MTA3: variants seen among roughly 807,000 people sequenced by gnomAD.
The protein encoded by MTA3 is metastasis associated 1 family member 3, also known as metastasis-associated protein MTA3.
MTA3 carries 34 observed loss-of-function variants against 83.5 expected under a neutral mutation model. That is an observed-to-expected ratio of 0.41 (90% CI 0.31 to 0.54). The LOEUF (loss-of-function observed/expected upper bound fraction) is 0.54, where lower values mean the gene tolerates loss of function less well. Among genes scored for constraint, MTA3 ranks in the 20% least tolerant of loss-of-function variants. The pLI is 0.33. For synonymous variants in MTA3, 303 were observed against 252.7 expected, an observed-to-expected ratio of 1.20 and a Z score of -1.89; for missense variants, 761 against 726.4, an observed-to-expected ratio of 1.05 and a Z score of -0.55.
At chr2:42,607,013 G>T (rs1683525696) in intron 3 of MTA3, among the ~76,000 whole-genome samples, 1 of 151,436 alleles carries the variant, frequency 6.6e-6, no homozygotes, top group African/African-American at 2.4e-5. Context: ...AGCCGAGATG[G>T]CAGCAGTACA....
intron 15 of MTA3, 93 bp downstream of exon 15, chr2:42,719,167 C>A: frequency 1.1e-6 from 1 of 925,590 alleles, no homozygotes; most frequent in Non-Finnish European, 1.7e-6. Flanking sequence ...TAAACTAATT[C>A]AGGCCCTTCA....
At chr2:42,622,376 G>GGCATGAGAGGGAGACC (rs1685664834) in intron 4 of MTA3, among the ~76,000 whole-genome samples, 1 of 149,610 alleles carries the variant, frequency 6.7e-6, no homozygotes, top group African/African-American at 2.5e-5. Flanking sequence ...GCTTCGGCTC[G>GGCATGAGAGGGAGACC]GCATGAGAGG....
intron 2 of MTA3, among the ~76,000 whole-genome samples, chr2:42,522,049 T>A (rs1171587063): frequency 6.6e-6 from 1 of 152,170 alleles, no homozygotes; most frequent in Admixed American, 6.6e-5. Flanking sequence ...CCACTGTGCC[T>A]GGCCACACCT....
Position 42,729,086 on chromosome 2 carries a change from G to GTTTTTTGTTTTTTTTTTTTTTTT in MTA3, c.1759+6057_1759+6058insGTTTTTTTTTTTTTTTTTTTTTT, listed in dbSNP as rs1430675726. On this transcript the variant is annotated intron_variant, in intron 16 of 16. Transcript: ENST00000405094. ...TTCTTTTATTAGTTTCACAGTTTGAGTTTTTTTTTTTTTTTTTTTTTTTTT... is the reference window on the plus strand; with the variant it reads ...TTCTTTTATTAGTTTCACAGTTTGAGTTTTTTGTTTTTTTTTTTTTTTTTTTTTTTTTTTTTTTTTTTTTTTTT... Among the ~76,000 whole-genome samples, 2 of 60,142 alleles carry GTTTTTTGTTTTTTTTTTTTTTTT rather than the reference G, an allele frequency of 3.3e-5. 1 individual carries two copies. 39.5% of individuals were successfully genotyped at this position (60,142 alleles called of 152,430 possible). A position where few individuals can be genotyped will look rare whatever the true frequency, so the allele number is the denominator to read the frequency against.
intron 2 of MTA3, among the ~76,000 whole-genome samples, chr2:42,515,008 C>G (rs1005304264): frequency 8.6e-5 from 13 of 151,700 alleles, no homozygotes; most frequent in East Asian, 5.8e-4. Flanking sequence ...TTATATTTTT[C>G]TTTGGATATG....
At chr2:42,740,362 C>G (rs1299774358) in intron 16 of MTA3, among the ~76,000 whole-genome samples, 1 of 152,166 alleles carries the variant, frequency 6.6e-6, no homozygotes, top group Non-Finnish European at 1.5e-5. Context: ...AATACAAAAA[C>G]TTGCCAGTCA....
chr2:42,627,216 T>G (rs1686191094), intron 4 of MTA3, among the ~76,000 whole-genome samples: 1 of 152,172 alleles, frequency 6.6e-6, no homozygotes, highest in Admixed American at 6.5e-5. Flanking sequence ...TAGCTGGGAC[T>G]GCAGGTGCTG....
intron 2 of MTA3, among the ~76,000 whole-genome samples, chr2:42,536,491 AG>A (rs1282256864): frequency 6.6e-6 from 1 of 151,684 alleles, no homozygotes; most frequent in East Asian, 1.9e-4. Context: ...TAAAGGAAAA[AG>A]AAAAAAAGAA....
At chr2:42,667,134 T>C (rs1690299956) in intron 8 of MTA3, among the ~76,000 whole-genome samples, 1 of 152,080 alleles carries the variant, frequency 6.6e-6, no homozygotes, top group Non-Finnish European at 1.5e-5. Flanking sequence ...GATTTGAACT[T>C]CTGGGATCAA....
intron 4 of MTA3, among the ~76,000 whole-genome samples, chr2:42,632,159 G>A (rs190988576): frequency 8.6e-5 from 12 of 138,934 alleles, no homozygotes; most frequent in Admixed American, 1.6e-4. Context: ...GTATAGTCTC[G>A]GCTCACTGCA....
chr2:42,647,168 C>CAAAAAAAAAAAAACAAA (rs751491238), intron 6 of MTA3, among the ~76,000 whole-genome samples: 2 of 143,704 alleles, frequency 1.4e-5, no homozygotes, highest in African/African-American at 5.2e-5. Flanking sequence ...AAAAAAAAAA[C>CAAAAAAAAAAAAACAAA]AAAAAAGAAA....
chr2:42,593,415 G>A (rs1681284123), intron 3 of MTA3, among the ~76,000 whole-genome samples: 2 of 152,070 alleles, frequency 1.3e-5, no homozygotes, highest in South Asian at 4.2e-4. Context: ...TCTATGTCAA[G>A]TGTTAGTACT....
At chr2:42,546,745 A>G (rs1322525165) in intron 2 of MTA3, among the ~76,000 whole-genome samples, 1 of 152,200 alleles carries the variant, frequency 6.6e-6, no homozygotes, top group Non-Finnish European at 1.5e-5. Flanking sequence ...CGCATGTTGC[A>G]AGACTGCACC....
At chr2:42,633,828 G>C (rs1558525496) in intron 4 of MTA3, among the ~76,000 whole-genome samples, 1 of 151,192 alleles carries the variant, frequency 6.6e-6, no homozygotes, top group Non-Finnish European at 1.5e-5. Context: ...GGCGGAGCTT[G>C]CAGTGAGCCG....
intron 16 of MTA3, among the ~76,000 whole-genome samples, chr2:42,733,858 T>C (rs562744945): frequency 5.3e-5 from 8 of 152,348 alleles, no homozygotes; most frequent in South Asian, 4.1e-4. Flanking sequence ...CCTGTTGTTA[T>C]TGATTTCTAC....
At chr2:42,635,772 GT>G (rs576878834) in intron 4 of MTA3, among the ~76,000 whole-genome samples, 2 of 150,858 alleles carry the variant, frequency 1.3e-5, no homozygotes, top group South Asian at 2.1e-4. Context: ...GAATTTTTCT[GT>G]TTTTTTTTCC....
intron 6 of MTA3, among the ~76,000 whole-genome samples, chr2:42,649,807 C>G (rs1042128961): frequency 1.3e-5 from 2 of 152,144 alleles, no homozygotes; most frequent in East Asian, 3.8e-4. Flanking sequence ...GGAAAAATTA[C>G]ATTCTGCATT....
chr2:42,510,613 C>T (rs955447090), intron 2 of MTA3, among the ~76,000 whole-genome samples: 2 of 152,302 alleles, frequency 1.3e-5, no homozygotes, highest in Admixed American at 1.3e-4. Flanking sequence ...AGAACTGCTT[C>T]TTTCCTGTAG....
At chr2:42,560,756 A>AG (rs1001467477) in intron 2 of MTA3, among the ~76,000 whole-genome samples, 1 of 151,776 alleles carries the variant, frequency 6.6e-6, no homozygotes, top group African/African-American at 2.4e-5. Context: ...AAAAAAAAAA[A>AG]TTAGCGGGGA....
Sources: gnomAD v4.1 joint callset for allele counts (sites outside exome capture counted in the v4.1 genomes callset) on GRCh38, gnomAD v4.1.1 for gene constraint, MANE v1.5 for transcripts, NCBI Gene and HGNC (gene_info 2026-07-23, HGNC 2026-07-21) for gene names.